The following NELL1 variants were observed in gnomAD, a reference collection of about 807,000 sequenced individuals.
The protein encoded by NELL1 is protein kinase C-binding protein NELL1.
A neutral mutation model predicts 107.4 loss-of-function variants in NELL1; 76 were observed. The observed-to-expected ratio is 0.71, with a 90% CI of 0.59 to 0.86. The LOEUF (loss-of-function observed/expected upper bound fraction) is 0.86, where lower values mean the gene tolerates loss of function less well. Among genes scored for constraint, NELL1 ranks in the 40% least tolerant of loss-of-function variants. The pLI is 0.00. For synonymous variants in NELL1, 353 were observed against 341.2 expected (o/e 1.03, Z -0.38); for missense variants, 1,024 against 1,005.5 (o/e 1.02, Z -0.25).
intron 3 of NELL1, among the ~76,000 whole-genome samples, chr11:20,846,126 G>A (rs911373841): frequency 2.6e-5 from 4 of 152,160 alleles, no homozygotes; most frequent in Non-Finnish European, 5.9e-5. Context: ...CCTGGGCCTA[G>A]AAGCTGGCTG....
At chr11:21,292,497 T>C (rs1238740612) in intron 14 of NELL1, among the ~76,000 whole-genome samples, 2 of 152,112 alleles carry the variant, frequency 1.3e-5, no homozygotes, top group Admixed American at 6.5e-5. Context: ...AAAATGGCCA[T>C]ACTGCCTAAA....
At chr11:21,407,494 G>A (rs1451208146) in intron 15 of NELL1, among the ~76,000 whole-genome samples, 1 of 151,818 alleles carries the variant, frequency 6.6e-6, no homozygotes, top group Non-Finnish European at 1.5e-5. Context: ...ATAGTCATTT[G>A]GCCAGTCTCC....
At chr11:21,139,860 G>C (rs1050181146) in intron 13 of NELL1, among the ~76,000 whole-genome samples, 1 of 152,144 alleles carries the variant, frequency 6.6e-6, no homozygotes, top group African/African-American at 2.4e-5. Flanking sequence ...GACTGGGTTG[G>C]CACAGCAACA....
chr11:20,853,916 C>T (rs1274896284), intron 4 of NELL1, among the ~76,000 whole-genome samples: 1 of 152,102 alleles, frequency 6.6e-6, no homozygotes, highest in Non-Finnish European at 1.5e-5. Flanking sequence ...GAAGGAAACA[C>T]CTCCTCCTGT....
At chr11:21,375,581 A>G (rs1267420834) in intron 15 of NELL1, among the ~76,000 whole-genome samples, 2 of 152,124 alleles carry the variant, frequency 1.3e-5, no homozygotes, top group Non-Finnish European at 1.5e-5. Context: ...CAGTAATGGG[A>G]TTGCTGGATC....
intron 12 of NELL1, among the ~76,000 whole-genome samples, chr11:21,021,152 G>A (rs558729122): frequency 6.6e-6 from 1 of 151,504 alleles, no homozygotes; most frequent in African/African-American, 2.4e-5. Flanking sequence ...GTATTTTTAT[G>A]AACTATATTT....
chr11:20,767,170 C>T (rs766733055), intron 2 of NELL1, among the ~76,000 whole-genome samples: 1 of 152,152 alleles, frequency 6.6e-6, no homozygotes, highest in Non-Finnish European at 1.5e-5. Context: ...AATGAAGCTG[C>T]GGACCTTCGC....
intron 12 of NELL1, among the ~76,000 whole-genome samples, chr11:21,057,796 T>C (rs1012594136): frequency 2.5e-4 from 38 of 152,034 alleles, no homozygotes; most frequent in Non-Finnish European, 2.4e-4. Context: ...TTTTAAAATT[T>C]TGCCTATCTG....
At chr11:21,291,202 G>A (rs903537539) in intron 14 of NELL1, among the ~76,000 whole-genome samples, 1 of 152,136 alleles carries the variant, frequency 6.6e-6, no homozygotes, top group African/African-American at 2.4e-5. Context: ...GCACACACAA[G>A]TATCAATAGC....
Position 20,709,237 on chromosome 11 carries a change from A to G in NELL1, c.184+31177A>G, listed in dbSNP as rs559356659. ...TGTCTAAGGAGAGAGACGAGGATCC[A>G]GTTTCATTATTCGACCTGGGGCTTG... is the stretch of plus-strand genomic sequence containing the variant. On this transcript the variant is annotated intron_variant, in intron 2 of 19. Transcript: ENST00000357134. 2.6e-5 allele frequency among the ~76,000 whole-genome samples: 4 copies of G among 152,264 alleles called. No individual in the cohort carries two copies. The East Asian group carries it at 5.8e-4, about 22-fold the overall frequency.
chr11:20,918,065 T>A (rs541535834), intron 5 of NELL1, 117 bp from the exon 6 acceptor site: 4 of 713,198 alleles, frequency 5.6e-6, no homozygotes, highest in South Asian at 3.3e-5. Context: ...GCTCACCCTT[T>A]GAATGAATCA....
chr11:21,463,407 T>C (rs1449308303), intron 15 of NELL1, among the ~76,000 whole-genome samples: 1 of 152,108 alleles, frequency 6.6e-6, no homozygotes. Context: ...TCAAAGAATA[T>C]GCAGATGATT....
At chr11:20,918,073 T>C in intron 5 of NELL1, 109 bp from the exon 6 acceptor site, 1 of 727,138 alleles carries the variant, frequency 1.4e-6, no homozygotes, top group South Asian at 1.6e-5. Flanking sequence ...TTTGAATGAA[T>C]CAATTTTGTT....
At chr11:21,386,882 C>G (rs1019918638) in intron 15 of NELL1, among the ~76,000 whole-genome samples, 1 of 151,860 alleles carries the variant, frequency 6.6e-6, no homozygotes, top group African/African-American at 2.4e-5. Context: ...GTGAAGGAAC[C>G]ATTTAAACGA....
intron 16 of NELL1, among the ~76,000 whole-genome samples, chr11:21,555,021 C>CAAAT (rs1856672833): frequency 6.6e-6 from 1 of 151,890 alleles, no homozygotes; most frequent in South Asian, 2.1e-4. Context: ...TTAGGATATA[C>CAAAT]AAATATTTTT....
intron 2 of NELL1, among the ~76,000 whole-genome samples, chr11:20,682,407 G>A (rs115748654): frequency 0.045 from 6,785 of 151,570 alleles, 531 homozygotes; most frequent in African/African-American, 0.16. Context: ...AAAAAACAAG[G>A]CCTTCAAAAT....
At chr11:21,494,795 GATAA>G (rs1444414463) in intron 15 of NELL1, among the ~76,000 whole-genome samples, 5 of 151,788 alleles carry the variant, frequency 3.3e-5, no homozygotes, top group South Asian at 4.2e-4. Context: ...AAACAACGTA[GATAA>G]ATCTTATAAA....
chr11:21,066,407 T>G (rs148586052), intron 12 of NELL1, among the ~76,000 whole-genome samples: 178 of 152,326 alleles, frequency 1.2e-3, no homozygotes, highest in African/African-American at 4.0e-3. Flanking sequence ...TGGCCTTTAT[T>G]TTTGTTTTAA....
chr11:21,311,826 T>A (rs1308111846), intron 14 of NELL1, among the ~76,000 whole-genome samples: 2 of 152,158 alleles, frequency 1.3e-5, no homozygotes, highest in Non-Finnish European at 2.9e-5. Flanking sequence ...ATGGTACTAT[T>A]GTCTGAATGT....
Sources: gnomAD v4.1 joint callset for allele counts (sites outside exome capture counted in the v4.1 genomes callset) on GRCh38, gnomAD v4.1.1 for gene constraint, MANE v1.5 for transcripts, NCBI Gene and HGNC (gene_info 2026-07-23, HGNC 2026-07-21) for gene names.